Variants in UBE2L3 observed in about 807,000 individuals in gnomAD.
UBE2L3 encodes ubiquitin-conjugating enzyme E2 L3.
Under a neutral mutation model 17.8 loss-of-function variants are expected in UBE2L3, and 1 was observed. That is an observed-to-expected ratio of 0.06 (90% CI 0.02 to 0.27). UBE2L3 has a LOEUF of 0.27. Among genes scored for constraint, UBE2L3 ranks in the 10% least tolerant of loss-of-function variants. The pLI, the probability that UBE2L3 is intolerant of heterozygous loss-of-function variation, is 1.00. For synonymous variants in UBE2L3, 44 were observed against 68.5 expected (o/e 0.64, Z 1.76); for missense variants, 40 against 192.6 (o/e 0.21, Z 4.69).
chr22:21,615,042 C>G (rs183705121), intron 3 of UBE2L3, among the ~76,000 whole-genome samples: 2 of 152,018 alleles, frequency 1.3e-5, no homozygotes, highest in African/African-American at 4.8e-5. Context: ...GTAATCCCAG[C>G]TACATGGGAG....
rs974332689 is a variant in UBE2L3, at chr22:21,623,500, T to G, written c.*1831T>G. 6.5e-6 allele frequency: 1 copy of G among 152,824 alleles called. No homozygotes were observed. The highest frequency in any genetic ancestry group is 2.4e-5 in the African/African-American group (1 of 41,464). The allele number at this position is 152,824 out of a possible 1,614,324, so 9.5% of individuals were successfully genotyped here. A position where few individuals can be genotyped will look rare whatever the true frequency, so the allele number is the denominator to read the frequency against. The stretch of plus-strand genomic sequence containing the variant: ...TGTCAGCTATCCAAACAAGCCACCA[T>G]TTGTTCTTGTTGCTTCTCTGGATCC... On this transcript the variant is annotated 3_prime_UTR_variant, in exon 4 of 4. Coordinates refer to ENST00000342192, the MANE Select transcript of UBE2L3 (RefSeq NM_003347.4).
chr22:21,580,851 C>T (rs1460507429), intron 1 of UBE2L3, among the ~76,000 whole-genome samples: 1 of 149,046 alleles, frequency 6.7e-6, no homozygotes, highest in Non-Finnish European at 1.5e-5. Flanking sequence ...TCCCAAAGTG[C>T]CGGGATTACA....
At chr22:21,555,686 C>T (rs1031633181) in intron 1 of UBE2L3, among the ~76,000 whole-genome samples, 1 of 152,088 alleles carries the variant, frequency 6.6e-6, no homozygotes, top group Admixed American at 6.6e-5. Context: ...AATCCCAGCA[C>T]TTTAGGAGGC....
chr22:21,609,665 G>T (rs965069485), intron 2 of UBE2L3, among the ~76,000 whole-genome samples: 3 of 152,022 alleles, frequency 2.0e-5, no homozygotes, highest in Non-Finnish European at 4.4e-5. Flanking sequence ...CCAAGATCAC[G>T]CCACCATCCA....
chr22:21,568,120 G>T, intron 1 of UBE2L3: 1 of 1,062,112 alleles, frequency 9.4e-7, no homozygotes, highest in East Asian at 6.6e-5. Context: ...GCTCCAAACC[G>T]GGCGCCTTCG....
chr22:21,620,425 TAAA>T (rs1049340684), intron 3 of UBE2L3, among the ~76,000 whole-genome samples: 1 of 151,800 alleles, frequency 6.6e-6, no homozygotes, highest in Non-Finnish European at 1.5e-5. Context: ...CAAGACTGTC[TAAA>T]AAAAATAAGA....
At chr22:21,590,176 TATCATC>T in intron 1 of UBE2L3, among the ~76,000 whole-genome samples, 1 of 152,186 alleles carries the variant, frequency 6.6e-6, no homozygotes, top group Admixed American at 6.5e-5. Context: ...ACCTTGTGTT[TATCATC>T]CCTACTTTAT....
chr22:21,576,431 A>C (rs1927300591), intron 1 of UBE2L3, among the ~76,000 whole-genome samples: 1 of 151,278 alleles, frequency 6.6e-6, no homozygotes, highest in Non-Finnish European at 1.5e-5. Context: ...CCGAGTAGCC[A>C]GGACTACAAG....
chr22:21,612,925 T>C (rs2148444009), intron 3 of UBE2L3, among the ~76,000 whole-genome samples: 1 of 152,232 alleles, frequency 6.6e-6, no homozygotes, highest in East Asian at 1.9e-4. Flanking sequence ...GCATGAGCCA[T>C]CATGCCCGGC....
chr22:21,617,494 T>C (rs376424770), intron 3 of UBE2L3, among the ~76,000 whole-genome samples: 186 of 152,298 alleles, frequency 1.2e-3, no homozygotes, highest in Middle Eastern at 6.8e-3. Context: ...CTTGAACTCC[T>C]GAGCTCAGAC....
intron 3 of UBE2L3, among the ~76,000 whole-genome samples, chr22:21,615,127 C>T (rs1206058578): frequency 2.6e-5 from 4 of 151,966 alleles, no homozygotes; most frequent in African/African-American, 7.3e-5. Context: ...TGCACTCCAG[C>T]CTGGGCAACA....
At position 21,620,050 on chromosome 22, in the gene UBE2L3, T is replaced by C. The variant is rs1367405334; in HGVS notation, c.311-1465T>C. On this transcript the variant is annotated intron_variant, in intron 3 of 3. Coordinates refer to ENST00000342192, the MANE Select transcript of UBE2L3 (RefSeq NM_003347.4). Reference sequence around the variant, plus strand: ...CTTCATGCCTGTCATCCTAGCACTTTTGGGAGGATGAGGCGGTAGGATCAC... The same window carrying C: ...CTTCATGCCTGTCATCCTAGCACTTCTGGGAGGATGAGGCGGTAGGATCAC... 3.9e-5 allele frequency among the ~76,000 whole-genome samples: 6 copies of C among 152,268 alleles called. No individual in the cohort carries two copies. The East Asian group carries it at 9.6e-4, about 24-fold the overall frequency.
At chr22:21,619,156 G>GTC (rs1929927249) in intron 3 of UBE2L3, among the ~76,000 whole-genome samples, 1 of 152,170 alleles carries the variant, frequency 6.6e-6, no homozygotes, top group Non-Finnish European at 1.5e-5. Context: ...CAGGAAAAGG[G>GTC]AGCAGTCTCA....
At chr22:21,602,528 G>A (rs1336091255) in intron 2 of UBE2L3, among the ~76,000 whole-genome samples, 1 of 152,228 alleles carries the variant, frequency 6.6e-6, no homozygotes, top group Admixed American at 6.5e-5. Context: ...AAAACATGAA[G>A]TGGAATGGGG....
At chr22:21,615,542 A>G (rs1013669124) in intron 3 of UBE2L3, among the ~76,000 whole-genome samples, 32 of 151,478 alleles carry the variant, frequency 2.1e-4, no homozygotes, top group African/African-American at 6.3e-4. Flanking sequence ...GCGACAGAGC[A>G]AGACTCCGTC....
At chr22:21,586,297 G>A (rs569712005) in intron 1 of UBE2L3, among the ~76,000 whole-genome samples, 170 of 152,088 alleles carry the variant, frequency 1.1e-3, no homozygotes, top group Middle Eastern at 3.4e-3. Flanking sequence ...CTCACTCTGG[G>A]AGTCTGCACC....
At chr22:21,608,073 A>G (rs1929270846) in intron 2 of UBE2L3, among the ~76,000 whole-genome samples, 1 of 152,188 alleles carries the variant, frequency 6.6e-6, no homozygotes, top group African/African-American at 2.4e-5. Flanking sequence ...AAACTCTATA[A>G]TAAGAAAACA....
chr22:21,618,483 T>C (rs2148449542), intron 3 of UBE2L3, among the ~76,000 whole-genome samples: 1 of 151,870 alleles, frequency 6.6e-6, no homozygotes, highest in African/African-American at 2.4e-5. Context: ...GAGAATGGCA[T>C]GAGCCTGGGA....
chr22:21,579,311 A>G (rs992358565), intron 1 of UBE2L3, among the ~76,000 whole-genome samples: 10 of 152,048 alleles, frequency 6.6e-5, no homozygotes, highest in Non-Finnish European at 5.9e-5. Context: ...ATTAGTTATG[A>G]TGATAACTAA....
Sources: allele counts gnomAD v4.1 joint callset (sites outside exome capture counted in the v4.1 genomes callset), GRCh38; gene constraint gnomAD v4.1.1; transcripts MANE v1.5; gene names NCBI Gene and HGNC (gene_info 2026-07-23, HGNC 2026-07-21).